The following TENM3 variants were observed in gnomAD, a reference collection of about 807,000 sequenced individuals.
The protein encoded by TENM3 is teneurin-3.
In TENM3, 63 loss-of-function variants were observed where a neutral mutation model predicts 255.1. That is an observed-to-expected ratio of 0.25 (90% CI 0.20 to 0.30). The LOEUF is 0.30. TENM3 is among the 10% of genes least tolerant of loss of function. TENM3 has a pLI of 1.00. For synonymous variants in TENM3, 1,306 were observed against 1,322.3 expected (o/e 0.99, Z 0.27); for missense variants, 2,929 against 3,461.1 (o/e 0.85, Z 3.86).
At chr4:181,499,506 C>G in the TENM3 span, among the ~76,000 whole-genome samples, 6 of 152,132 alleles carry the variant, frequency 3.9e-5, no homozygotes, top group African/African-American at 1.4e-4. Context: ...GAATATGTGG[C>G]TGGCTGACAT....
chr4:182,736,816 C>T lies in TENM3; in HGVS notation c.2976C>T (p.His992=), dbSNP rs200316577. Residue 992 remains histidine (H), a synonymous_variant, in exon 17 of 28, where the codon CAC becomes CAT. Coordinates refer to ENST00000511685, the MANE Select transcript of TENM3 (RefSeq NM_001080477.4). ...SPIIPETQVL[H]EETTIPGTDL... ...GCTTTATTCAAACTTAGGTACTCCA[C>T]GAGGAAACTACAATTCCAGGAACAG... 147 of 1,612,756 alleles carry T rather than the reference C, an allele frequency of 9.1e-5. 3 individuals are homozygous for T. In the South Asian group the frequency reaches 1.5e-3, roughly 16 times the overall value.
chr4:181,682,440 CTGAT>C, the TENM3 span, among the ~76,000 whole-genome samples: 1 of 152,132 alleles, frequency 6.6e-6, no homozygotes, highest in African/African-American at 2.4e-5. Context: ...GATTGACTGA[CTGAT>C]TGTTAAAACA....
At chr4:182,292,112 A>G (rs1296869736) in intron 1 of TENM3, among the ~76,000 whole-genome samples, 1 of 152,216 alleles carries the variant, frequency 6.6e-6, no homozygotes, top group Non-Finnish European at 1.5e-5. Context: ...AACAAACTGC[A>G]AGGCTAAAGA....
chr4:182,784,567 T>A (rs1185784655), intron 24 of TENM3, among the ~76,000 whole-genome samples: 1 of 151,980 alleles, frequency 6.6e-6, no homozygotes, highest in African/African-American at 2.4e-5. Context: ...CTCCTTGAGC[T>A]GTGGTGGGCT....
intron 3 of TENM3, among the ~76,000 whole-genome samples, chr4:182,576,014 C>T (rs556565812): frequency 1.3e-5 from 2 of 152,288 alleles, no homozygotes; most frequent in South Asian, 2.1e-4. Flanking sequence ...TTAAGCATGA[C>T]CTTATGCAGA....
chr4:181,459,650 C>T, the TENM3 span, among the ~76,000 whole-genome samples: 1 of 151,786 alleles, frequency 6.6e-6, no homozygotes, highest in African/African-American at 2.4e-5. Flanking sequence ...TAAGATGGGT[C>T]CTATTTGTAG....
At chr4:182,547,368 G>T (rs550767626) in intron 3 of TENM3, among the ~76,000 whole-genome samples, 19 of 152,100 alleles carry the variant, frequency 1.2e-4, no homozygotes, top group Non-Finnish European at 2.1e-4. Context: ...TCATGAATAT[G>T]AATTCATTAT....
chr4:181,642,998 G>T, the TENM3 span, among the ~76,000 whole-genome samples: 8 of 152,026 alleles, frequency 5.3e-5, no homozygotes, highest in African/African-American at 1.7e-4. Context: ...GCTCTTCTTT[G>T]GTTCCATATG....
chr4:181,466,523 T>G, the TENM3 span, among the ~76,000 whole-genome samples: 1 of 152,200 alleles, frequency 6.6e-6, no homozygotes, highest in East Asian at 1.9e-4. Flanking sequence ...ATGTATGTAA[T>G]TTATTCCTAT....
At chr4:182,700,535 T>G (rs1270079832) in intron 12 of TENM3, among the ~76,000 whole-genome samples, 1 of 152,206 alleles carries the variant, frequency 6.6e-6, no homozygotes, top group African/African-American at 2.4e-5. Flanking sequence ...TTTTGTCTGT[T>G]GCTCTTCATG....
chr4:182,359,536 G>C (rs1168103312), intron 3 of TENM3, among the ~76,000 whole-genome samples: 2 of 150,618 alleles, frequency 1.3e-5, no homozygotes, highest in Admixed American at 6.7e-5. Context: ...TCTGATGGTA[G>C]TTTGTATTTC....
chr4:182,627,412 T>C (rs1750920540), intron 4 of TENM3, among the ~76,000 whole-genome samples: 1 of 152,182 alleles, frequency 6.6e-6, no homozygotes, highest in African/African-American at 2.4e-5. Context: ...TCTGTCCTAT[T>C]AGCCCCTTAA....
chr4:182,499,792 C>T (rs1055803890), intron 3 of TENM3, among the ~76,000 whole-genome samples: 25 of 152,160 alleles, frequency 1.6e-4, no homozygotes, highest in African/African-American at 5.8e-4. Context: ...AACCCAACCA[C>T]AAGCCAGATT....
chr4:181,521,538 G>C, the TENM3 span, among the ~76,000 whole-genome samples: 1 of 152,130 alleles, frequency 6.6e-6, no homozygotes, highest in Non-Finnish European at 1.5e-5. Context: ...CTCTACTGAA[G>C]GATATAGACT....
At chr4:181,971,309 T>C in the TENM3 span, among the ~76,000 whole-genome samples, 1 of 152,238 alleles carries the variant, frequency 6.6e-6, no homozygotes, top group Middle Eastern at 3.4e-3. Flanking sequence ...GTGCTTGGCA[T>C]GTAGTAGGCT....
the TENM3 span, among the ~76,000 whole-genome samples, chr4:181,571,919 G>A: frequency 6.6e-6 from 1 of 152,026 alleles, no homozygotes; most frequent in Non-Finnish European, 1.5e-5. Flanking sequence ...GAGGAAAAAA[G>A]AAGGAAAAAG....
intron 20 of TENM3, among the ~76,000 whole-genome samples, chr4:182,752,838 C>T (rs111551797): frequency 4.2e-4 from 64 of 151,824 alleles, no homozygotes; most frequent in African/African-American, 1.5e-3. Context: ...TAGACCACAA[C>T]ATTATATAAT....
chr4:182,086,819 G>A, the TENM3 span, among the ~76,000 whole-genome samples: 1 of 152,182 alleles, frequency 6.6e-6, no homozygotes, highest in Non-Finnish European at 1.5e-5. Context: ...TCTGGGGAAC[G>A]TAAAAGACAT....
At chr4:182,163,200 T>C (rs930526999) in intron 1 of TENM3, among the ~76,000 whole-genome samples, 1 of 152,174 alleles carries the variant, frequency 6.6e-6, no homozygotes, top group Admixed American at 6.5e-5. Context: ...CTCATCTTAA[T>C]TGCACAGAAT....
Sources: gnomAD v4.1 joint callset for allele counts (sites outside exome capture counted in the v4.1 genomes callset) on GRCh38, gnomAD v4.1.1 for gene constraint, MANE v1.5 for transcripts, NCBI Gene and HGNC (gene_info 2026-07-23, HGNC 2026-07-21) for gene names.